B4GALNT3: variants seen among roughly 807,000 people sequenced by gnomAD.
B4GALNT3 encodes the protein beta-1,4-N-acetyl-galactosaminyltransferase 3.
Under a neutral mutation model 120.2 loss-of-function variants are expected in B4GALNT3, and 86 were observed. The ratio of observed to expected loss-of-function variants is 0.72; its 90% CI spans 0.60 to 0.86. The LOEUF (loss-of-function observed/expected upper bound fraction) is 0.86, where lower values mean the gene tolerates loss of function less well. Among genes scored for constraint, B4GALNT3 ranks in the 40% least tolerant of loss-of-function variants. The pLI is 0.00. For missense variants in B4GALNT3, 1,167 were observed against 1,298.9 expected (o/e 0.90, Z 1.56); for synonymous variants, 518 against 510.4 (o/e 1.01, Z -0.20).
intron 1 of B4GALNT3, among the ~76,000 whole-genome samples, chr12:470,610 C>T (rs998031218): frequency 6.6e-5 from 10 of 152,220 alleles, no homozygotes; most frequent in African/African-American, 1.4e-4. Flanking sequence ...ATGGGCAGCA[C>T]GTCCCAGGTG....
chr12:558,773 C>G, intron 18 of B4GALNT3, 112 bp downstream of exon 18: 1 of 1,190,616 alleles, frequency 8.4e-7, no homozygotes, highest in South Asian at 1.5e-5. Flanking sequence ...TCCCCTGCCC[C>G]ACCCTGCCCT....
chr12:486,041 AC>A (rs1275768093), intron 1 of B4GALNT3, among the ~76,000 whole-genome samples: 1 of 152,142 alleles, frequency 6.6e-6, no homozygotes, highest in Non-Finnish European at 1.5e-5. Context: ...CTCAGTGTGA[AC>A]AAGTCTGAGA....
rs1947034264 is a variant in B4GALNT3, at chr12:548,351, C to A, written c.853+54C>A. 1.9e-6 allele frequency: 3 copies of A among 1,557,402 alleles called. No individual in the cohort carries two copies. The highest frequency in any genetic ancestry group is 1.8e-6 in the Non-Finnish European group (2 of 1,128,952). ...ATGGAGGCCAGGTGGGGACAGCCTA[C>A]CCTGGGGGATTTGGCAGGGGAGGAG... On this transcript the variant is annotated intron_variant, in intron 9 of 19. Transcript: ENST00000266383. The surrounding 1 kb of genome is among the most constrained non-coding windows in gnomAD (Gnocchi z 4.9).
At position 550,267 on chromosome 12, in the gene B4GALNT3, G is replaced by A. The variant is rs1440489112; in HGVS notation, c.997+355G>A. Among the ~76,000 whole-genome samples, 3 of 152,134 alleles carry A rather than the reference G, an allele frequency of 2.0e-5. No homozygotes were observed. Among genetic ancestry groups the A allele is most frequent in the Non-Finnish European group, 4.4e-5 (3 of 68,034 alleles). ...TCTTGTCATCCAAGGAGAGAAATAC[G>A]TGGACACCACAGTGTTAGAGTCTTA... On this transcript the variant is annotated intron_variant, in intron 10 of 19. Transcript: ENST00000266383. The surrounding 1 kb of genome is among the most constrained non-coding windows in gnomAD (Gnocchi z 4.1).
chr12:545,802 A>T (rs1352666905), intron 6 of B4GALNT3, among the ~76,000 whole-genome samples: 10 of 73,834 alleles, frequency 1.4e-4, no homozygotes, highest in African/African-American at 2.0e-4. Flanking sequence ...AATGGGGAGG[A>T]GCGAGGAGTG....
rs1947250815 is a variant in B4GALNT3 at position 563,290 on chromosome 12, T to G, written c.*1839T>G. ...GAACCAGCCCAAACTGCCCACCTGCTTCACTTCCAATGACTAGGAGCCAGC... is the reference window on the plus strand; with the variant it reads ...GAACCAGCCCAAACTGCCCACCTGCGTCACTTCCAATGACTAGGAGCCAGC... On this transcript the variant is annotated 3_prime_UTR_variant, in exon 20 of 20. Transcript: ENST00000266383. 6.6e-6 allele frequency: 1 copy of G among 152,552 alleles called. No homozygotes were observed. The highest frequency in any genetic ancestry group is 1.5e-5 in the Non-Finnish European group (1 of 68,284). The allele number at this position is 152,552 out of a possible 1,614,324, so 9.4% of individuals were successfully genotyped here. A position where few individuals can be genotyped will look rare whatever the true frequency, so the allele number is the denominator to read the frequency against.
At chr12:561,125 T>C (rs890112695) in intron 19 of B4GALNT3, among the ~76,000 whole-genome samples, 4 of 152,210 alleles carry the variant, frequency 2.6e-5, no homozygotes, top group Admixed American at 2.6e-4. Flanking sequence ...ATCGTCCTCC[T>C]AGAGATGAGC....
intron 1 of B4GALNT3, among the ~76,000 whole-genome samples, chr12:486,395 AG>A (rs200032945): frequency 0.011 from 1,642 of 151,922 alleles, 56 homozygotes; most frequent in South Asian, 0.099. Context: ...TTTTTAGTAG[AG>A]ATGGGGTTTC....
rs1280442888 is a variant in B4GALNT3 at position 547,993 on chromosome 12, C to T, written c.708-31C>T. 11 of 1,599,730 alleles carry T rather than the reference C, an allele frequency of 6.9e-6. No individual in the cohort carries two copies. The East Asian group carries it at 8.9e-5, about 13-fold the overall frequency. ...GCGACCCCAGGGCCCATGGAGATGG[C>T]GCTCTGCTTCCCTGCCCTCTCTCCC... On this transcript the variant is annotated intron_variant, in intron 7 of 19. Coordinates refer to ENST00000266383, the MANE Select transcript of B4GALNT3 (RefSeq NM_173593.4).
At chr12:532,750 G>C (rs1946820026) in intron 1 of B4GALNT3, among the ~76,000 whole-genome samples, 1 of 152,174 alleles carries the variant, frequency 6.6e-6, no homozygotes, top group Non-Finnish European at 1.5e-5. Context: ...GTAAAAAAGA[G>C]TGCTCAGAGG....
chr12:535,823 G>C (rs371539472), intron 2 of B4GALNT3, among the ~76,000 whole-genome samples: 1 of 152,290 alleles, frequency 6.6e-6, no homozygotes, highest in African/African-American at 2.4e-5. Flanking sequence ...ATGGATTCCA[G>C]AGCTGGACCA....
At chr12:517,878 A>T (rs1946672316) in intron 1 of B4GALNT3, among the ~76,000 whole-genome samples, 1 of 152,204 alleles carries the variant, frequency 6.6e-6, no homozygotes, top group Non-Finnish European at 1.5e-5. Flanking sequence ...GCTCCACAAT[A>T]CTGGCTTCAC....
intron 1 of B4GALNT3, among the ~76,000 whole-genome samples, chr12:503,066 T>C (rs1470743417): frequency 6.6e-6 from 1 of 152,094 alleles, no homozygotes; most frequent in Admixed American, 6.5e-5. Flanking sequence ...CCTAAACAAG[T>C]TCTTGAGTAG....
Position 544,807 on chromosome 12 carries a change from C to T in B4GALNT3, c.448-75C>T, listed in dbSNP as rs1486284594. The T allele has an allele frequency of 2.0e-6, 3 of 1,473,058 alleles. No individual in the cohort carries two copies. In the African/African-American group the frequency reaches 4.2e-5, roughly 21 times the overall value. 91.2% of individuals were successfully genotyped at this position (1,473,058 alleles called of 1,614,324 possible). A position where few individuals can be genotyped will look rare whatever the true frequency, so the allele number is the denominator to read the frequency against. ...CCTCCTGTCATAGTCCCCTCCTGGT[C>T]TTCCCGCCAATCCTGGCGGGAAGTT... On this transcript the variant is annotated intron_variant, in intron 4 of 19. Coordinates refer to ENST00000266383, the MANE Select transcript of B4GALNT3 (RefSeq NM_173593.4).
At position 544,877 on chromosome 12, in the gene B4GALNT3, C is replaced by T. The variant is rs780699228; in HGVS notation, c.448-5C>T. 2 of 1,613,556 alleles carry T rather than the reference C, an allele frequency of 1.2e-6. No individual in the cohort carries two copies. Among genetic ancestry groups the T allele is most frequent in the South Asian group, 1.1e-5 (1 of 91,042 alleles). On this transcript the variant is annotated splice_region_variant and splice_polypyrimidine_tract_variant and intron_variant, in intron 4 of 19. Coordinates refer to ENST00000266383, the MANE Select transcript of B4GALNT3 (RefSeq NM_173593.4). ...TAACTGTTTCCTTCCCCTTTCTTGG[C>T]ATAGATTCGCACAACCCTGAGGAAG... is the stretch of plus-strand genomic sequence containing the variant.
intron 1 of B4GALNT3, among the ~76,000 whole-genome samples, chr12:469,401 T>C (rs1946113315): frequency 6.6e-6 from 1 of 152,200 alleles, no homozygotes; most frequent in Admixed American, 6.5e-5. Flanking sequence ...AATTAGAGAA[T>C]GGCTGGGCAG....
At chr12:508,455 A>C (rs1359382926) in intron 1 of B4GALNT3, among the ~76,000 whole-genome samples, 1 of 151,992 alleles carries the variant, frequency 6.6e-6, no homozygotes, top group Admixed American at 6.6e-5. Context: ...AATTTTTAAA[A>C]ATTTGTTATA....
At chr12:509,480 G>GA (rs1227475208) in intron 1 of B4GALNT3, among the ~76,000 whole-genome samples, 2 of 152,152 alleles carry the variant, frequency 1.3e-5, no homozygotes, top group African/African-American at 2.4e-5. Flanking sequence ...CGGAATAGGA[G>GA]AAAAAATACC....
chr12:461,619 G>C (rs1002406119), intron 1 of B4GALNT3, among the ~76,000 whole-genome samples: 2 of 152,202 alleles, frequency 1.3e-5, no homozygotes, highest in African/African-American at 4.8e-5. Flanking sequence ...GGGGAAACTC[G>C]GACAGAGTGG....
Sources: allele counts gnomAD v4.1 joint callset (sites outside exome capture counted in the v4.1 genomes callset), GRCh38; gene constraint gnomAD v4.1.1; non-coding constraint Gnocchi (gnomAD v3.1); transcripts MANE v1.5; gene names NCBI Gene and HGNC (gene_info 2026-07-23, HGNC 2026-07-21).